Variants in RHBDL3 observed in about 807,000 individuals in gnomAD.
The protein encoded by RHBDL3 is rhomboid like 3, also known as rhomboid-related protein 3.
A neutral mutation model predicts 48.2 loss-of-function variants in RHBDL3; 28 were observed. That is an observed-to-expected ratio of 0.58 (90% CI 0.43 to 0.80). The LOEUF (loss-of-function observed/expected upper bound fraction) is 0.80, where lower values mean the gene tolerates loss of function less well. RHBDL3 is among the 30% of genes least tolerant of loss of function. RHBDL3 has a pLI of 0.00. For missense variants in RHBDL3, 464 were observed against 542.7 expected (o/e 0.85, Z 1.44); for synonymous variants, 208 against 232.3 (o/e 0.90, Z 0.95).
chr17:32,318,166 C>CA, intron 8 of RHBDL3, among the ~76,000 whole-genome samples: 1 of 151,554 alleles, frequency 6.6e-6, no homozygotes, highest in East Asian at 1.9e-4. Flanking sequence ...GCCTGGGCGA[C>CA]AGAGCAAGAC....
intron 2 of RHBDL3, chr17:32,284,437 G>C: frequency 4.0e-6 from 2 of 503,966 alleles, no homozygotes; most frequent in Non-Finnish European, 7.0e-6. Flanking sequence ...CCTTATCCAC[G>C]TGAGATGGTT....
intron 7 of RHBDL3, among the ~76,000 whole-genome samples, chr17:32,314,328 T>C (rs1027658943): frequency 3.3e-5 from 5 of 152,184 alleles, no homozygotes; most frequent in Admixed American, 6.5e-5. Context: ...TGGGGTGGCT[T>C]CCGTGTCTTG....
chr17:32,305,292 TGAGCC>T (rs756933865), intron 6 of RHBDL3, 44 bp from the exon 7 acceptor site: 109 of 1,318,044 alleles, frequency 8.3e-5, no homozygotes, highest in Non-Finnish European at 9.7e-5. Flanking sequence ...CTGGGTTGGG[TGAGCC>T]GAGTCCCGCA....
intron 8 of RHBDL3, among the ~76,000 whole-genome samples, chr17:32,319,421 C>CAAAAA (rs541383037): frequency 4.4e-4 from 35 of 79,820 alleles, no homozygotes; most frequent in African/African-American, 1.7e-3. Flanking sequence ...GATTCCGTCT[C>CAAAAA]AAAAAAAAAA....
intron 6 of RHBDL3, among the ~76,000 whole-genome samples, chr17:32,301,913 GA>G (rs2040592737): frequency 6.6e-6 from 1 of 152,052 alleles, no homozygotes; most frequent in South Asian, 2.1e-4. Context: ...TAAGGCCAAA[GA>G]AGATGTTGAA....
intron 3 of RHBDL3, among the ~76,000 whole-genome samples, chr17:32,287,387 A>G (rs950495482): frequency 6.6e-6 from 1 of 152,228 alleles, no homozygotes; most frequent in African/African-American, 2.4e-5. Context: ...GCCTACATTT[A>G]CAGAGCTCCT....
intron 8 of RHBDL3, among the ~76,000 whole-genome samples, chr17:32,318,373 AC>A (rs1359975011): frequency 6.9e-6 from 1 of 145,864 alleles, no homozygotes; most frequent in Admixed American, 6.9e-5. Flanking sequence ...GCAGTGGCTC[AC>A]GCCTGTACTC....
chr17:32,304,617 T>C (rs566425198), intron 6 of RHBDL3, among the ~76,000 whole-genome samples: 1 of 152,340 alleles, frequency 6.6e-6, no homozygotes, highest in Non-Finnish European at 1.5e-5. Flanking sequence ...GGTATCCGTG[T>C]CACCTAGGTG....
intron 2 of RHBDL3, among the ~76,000 whole-genome samples, chr17:32,283,449 G>A (rs1439751076): frequency 2.0e-5 from 3 of 148,086 alleles, no homozygotes; most frequent in Non-Finnish European, 3.0e-5. Context: ...TCAGCCTCCC[G>A]AGTAGCTGGG....
At chr17:32,268,413 A>G (rs1416568802) in intron 2 of RHBDL3, among the ~76,000 whole-genome samples, 1 of 152,118 alleles carries the variant, frequency 6.6e-6, no homozygotes, top group Non-Finnish European at 1.5e-5. Context: ...TGTCATAGGG[A>G]TGAGGGAGTG....
At chr17:32,292,820 AAAGG>A (rs1266273419) in intron 4 of RHBDL3, among the ~76,000 whole-genome samples, 1 of 150,980 alleles carries the variant, frequency 6.6e-6, no homozygotes, top group Admixed American at 6.6e-5. Context: ...AAAAAAAAAA[AAAGG>A]AAGGGAAGGC....
At position 32,281,240 on chromosome 17, in the gene RHBDL3, T is replaced by A. The variant is rs921083649; in HGVS notation, c.136-3419T>A. 3.3e-5 allele frequency among the ~76,000 whole-genome samples: 5 copies of A among 152,022 alleles called. No individual in the cohort carries two copies. The East Asian group carries it at 9.6e-4, about 29-fold the overall frequency. On this transcript the variant is annotated intron_variant, in intron 2 of 8. Coordinates refer to ENST00000269051, the MANE Select transcript of RHBDL3 (RefSeq NM_138328.3). ...GGAGGCTTGAGCCACAGGGCAGCCA[T>A]GTCACTAGGACAACAGCAGGGAGCA... is the stretch of plus-strand genomic sequence containing the variant.
In RHBDL3 at chr17:32,269,751, C is replaced by CT. The variant is rs879699341; in HGVS notation, c.135+1835dup. ...AGAACCTAGAACAAAGTGTATCATT[C>CT]TTTTTTTTTCTCTGTCTGTGTCTAT... On this transcript the variant is annotated intron_variant, in intron 2 of 8. Coordinates refer to ENST00000269051, the MANE Select transcript of RHBDL3 (RefSeq NM_138328.3). Among the ~76,000 whole-genome samples the CT allele has an allele frequency of 8.2e-4, 124 of 151,946 alleles. 1 individual carries two copies. Among genetic ancestry groups the CT allele is most frequent in the Non-Finnish European group, 5.2e-4 (35 of 67,924 alleles).
At chr17:32,269,583 C>A (rs138529095) in intron 2 of RHBDL3, among the ~76,000 whole-genome samples, 150 of 152,314 alleles carry the variant, frequency 9.8e-4, no homozygotes, top group Middle Eastern at 3.4e-3. Context: ...CCTGTCCTGA[C>A]GGGTAGAGCA....
chr17:32,319,421 C>CAAAAAA (rs541383037), intron 8 of RHBDL3, among the ~76,000 whole-genome samples: 27 of 79,826 alleles, frequency 3.4e-4, no homozygotes, highest in African/African-American at 1.4e-3. Flanking sequence ...GATTCCGTCT[C>CAAAAAA]AAAAAAAAAA....
chr17:32,279,548 G>A (rs1178591443), intron 2 of RHBDL3, among the ~76,000 whole-genome samples: 1 of 152,174 alleles, frequency 6.6e-6, no homozygotes, highest in African/African-American at 2.4e-5. Flanking sequence ...AATGACCCCG[G>A]CCCTTCCTCA....
chr17:32,282,805 T>G (rs1224616278), intron 2 of RHBDL3, among the ~76,000 whole-genome samples: 3 of 152,042 alleles, frequency 2.0e-5, no homozygotes, highest in Non-Finnish European at 4.4e-5. Context: ...TGTATTTTTA[T>G]TACAGACGGG....
In RHBDL3 at chr17:32,321,841, G is replaced by A. The variant is rs2041141316; in HGVS notation, c.*612G>A. Reference sequence around the variant, plus strand: ...GTTGTGCCTGGGTTGGGCAGAGCAGGGAGCCTGTAGGCTCTAGGACCCCTC... The same window carrying A: ...GTTGTGCCTGGGTTGGGCAGAGCAGAGAGCCTGTAGGCTCTAGGACCCCTC... On this transcript the variant is annotated 3_prime_UTR_variant, in exon 9 of 9. Coordinates refer to ENST00000269051, the MANE Select transcript of RHBDL3 (RefSeq NM_138328.3). The A allele has an allele frequency of 5.7e-6, 1 of 174,834 alleles. No individual in the cohort carries two copies. Among genetic ancestry groups the A allele is most frequent in the East Asian group, 1.4e-4 (1 of 7,230 alleles). The allele number at this position is 174,834 out of a possible 1,614,324, so 10.8% of individuals were successfully genotyped here.
chr17:32,310,629 C>G (rs530046542), intron 7 of RHBDL3, among the ~76,000 whole-genome samples: 197 of 152,140 alleles, frequency 1.3e-3, no homozygotes, highest in African/African-American at 4.6e-3. Context: ...AGAAGAATCG[C>G]TTGAACTCGG....
Sources: allele counts gnomAD v4.1 joint callset (sites outside exome capture counted in the v4.1 genomes callset), GRCh38; gene constraint gnomAD v4.1.1; transcripts MANE v1.5; gene names NCBI Gene and HGNC (gene_info 2026-07-23, HGNC 2026-07-21).